Variants in MACROD2 observed in about 807,000 individuals in gnomAD.
MACROD2 encodes ADP-ribose glycohydrolase MACROD2.
MACROD2 carries 36 observed loss-of-function variants against 70.4 expected under a neutral mutation model. That is an observed-to-expected ratio of 0.51 (90% CI 0.39 to 0.68). MACROD2 has a LOEUF of 0.68. Among genes scored for constraint, MACROD2 ranks in the 30% least tolerant of loss-of-function variants. The probability of loss-of-function intolerance (pLI) is 0.00; values close to 1 mark genes in which losing one functional copy is unlikely to be tolerated. For missense variants in MACROD2, 496 were observed against 538.4 expected, an observed-to-expected ratio of 0.92 and a Z score of 0.78; for synonymous variants, 172 against 178.8, an observed-to-expected ratio of 0.96 and a Z score of 0.30.
chr20:14,098,095 C>T (rs1297007292), intron 3 of MACROD2, among the ~76,000 whole-genome samples: 1 of 152,176 alleles, frequency 6.6e-6, no homozygotes, highest in African/African-American at 2.4e-5. Flanking sequence ...CAAAGTACTT[C>T]ACACAGTGCC....
At chr20:14,173,821 TG>T (rs902435317) in intron 3 of MACROD2, among the ~76,000 whole-genome samples, 3 of 152,214 alleles carry the variant, frequency 2.0e-5, no homozygotes, top group African/African-American at 7.2e-5. Context: ...TCCCTTGATG[TG>T]GTGCTTTCCC....
chr20:14,326,769 G>T lies in MACROD2; in HGVS notation c.272-166710G>T, dbSNP rs151151641. 435 of 1,613,806 alleles carry T rather than the reference G, an allele frequency of 2.7e-4. No individual in the cohort carries two copies. The highest frequency in any genetic ancestry group is 1.9e-3 in the South Asian group (169 of 91,078). ...GAAGATAAAGCTTCCTCAGGTTTGTGCCTGGAAGGTTTACTGGTGCAGCAG... is the reference window on the plus strand; with the variant it reads ...GAAGATAAAGCTTCCTCAGGTTTGTTCCTGGAAGGTTTACTGGTGCAGCAG... On this transcript the variant is annotated intron_variant, in intron 3 of 17. Coordinates refer to ENST00000684519, the MANE Select transcript of MACROD2 (RefSeq NM_001351661.2). This position sits in a 1 kb window ranked among gnomAD's most constrained non-coding sequence, Gnocchi z 5.5.
chr20:15,572,689 A>T (rs949440515), intron 8 of MACROD2, among the ~76,000 whole-genome samples: 1 of 152,104 alleles, frequency 6.6e-6, no homozygotes, highest in East Asian at 1.9e-4. Context: ...AGTATTTCGC[A>T]TGAATGCATG....
chr20:14,819,597 G>C (rs547730686), intron 5 of MACROD2, among the ~76,000 whole-genome samples: 2 of 152,160 alleles, frequency 1.3e-5, no homozygotes, highest in Admixed American at 1.3e-4. Flanking sequence ...CATACCGGGG[G>C]ATGAGTGTTG....
At position 15,153,827 on chromosome 20, in the gene MACROD2, T is replaced by C. The variant is rs138528884; in HGVS notation, c.419-76113T>C. On this transcript the variant is annotated intron_variant, in intron 5 of 17. Coordinates refer to ENST00000684519, the MANE Select transcript of MACROD2 (RefSeq NM_001351661.2). ...ACATCTTGTTTCTTTATCTGTGTGC[T>C]GGTTGCAAGAATGTGTTCAGTTTGT... Among the ~76,000 whole-genome samples the C allele has an allele frequency of 3.4e-3, 517 of 152,274 alleles. 1 individual carries two copies. Among genetic ancestry groups the C allele is most frequent in the African/African-American group, 0.011 (475 of 41,560 alleles).
intron 12 of MACROD2, among the ~76,000 whole-genome samples, chr20:15,960,492 G>A (rs73597733): frequency 0.013 from 1,968 of 152,260 alleles, 17 homozygotes; most frequent in African/African-American, 0.037. Flanking sequence ...AGCAAATCGG[G>A]GACAAGATTG....
intron 5 of MACROD2, among the ~76,000 whole-genome samples, chr20:14,832,185 G>A (rs1380119802): frequency 6.6e-6 from 1 of 151,394 alleles, no homozygotes; most frequent in Non-Finnish European, 1.5e-5. Context: ...TGGGACTGCA[G>A]GTGCCCGCCA....
chr20:15,405,090 A>C (rs2045981725), intron 6 of MACROD2, among the ~76,000 whole-genome samples: 1 of 152,196 alleles, frequency 6.6e-6, no homozygotes, highest in African/African-American at 2.4e-5. Flanking sequence ...GCAAATCCAT[A>C]CACACAGAAT....
At chr20:14,042,475 A>G (rs191262291) in intron 2 of MACROD2, among the ~76,000 whole-genome samples, 1 of 152,286 alleles carries the variant, frequency 6.6e-6, no homozygotes, top group East Asian at 1.9e-4. Flanking sequence ...AGTTCTGCAG[A>G]CACCAGCTAG....
intron 5 of MACROD2, among the ~76,000 whole-genome samples, chr20:14,748,363 T>G (rs1359236037): frequency 2.6e-5 from 4 of 152,106 alleles, no homozygotes; most frequent in Non-Finnish European, 5.9e-5. Context: ...GTCTTCCCCT[T>G]CAAGAAACCA....
intron 8 of MACROD2, among the ~76,000 whole-genome samples, chr20:15,759,125 G>A (rs1440126969): frequency 1.9e-4 from 23 of 120,344 alleles, no homozygotes; most frequent in Non-Finnish European, 2.9e-4. Flanking sequence ...CAGCCTGGGT[G>A]ACAGAGCAAG....
At chr20:14,091,356 T>G (rs2054146880) in intron 3 of MACROD2, among the ~76,000 whole-genome samples, 1 of 152,120 alleles carries the variant, frequency 6.6e-6, no homozygotes, top group Non-Finnish European at 1.5e-5. Context: ...AATGGGGAGT[T>G]GTTGATCAAA....
intron 6 of MACROD2, among the ~76,000 whole-genome samples, chr20:15,419,184 G>A (rs1310885573): frequency 2.0e-5 from 3 of 152,128 alleles, no homozygotes; most frequent in African/African-American, 7.2e-5. Flanking sequence ...CCAAGGCCAC[G>A]GGGTTGCTCT....
chr20:14,034,941 T>C (rs544803056), intron 2 of MACROD2, among the ~76,000 whole-genome samples: 1 of 152,338 alleles, frequency 6.6e-6, no homozygotes, highest in South Asian at 2.1e-4. Flanking sequence ...CATTTTTATG[T>C]GCTTAGATTA....
intron 8 of MACROD2, among the ~76,000 whole-genome samples, chr20:15,798,512 C>G (rs553487816): frequency 4.6e-5 from 7 of 152,154 alleles, no homozygotes; most frequent in South Asian, 2.1e-4. Context: ...TGGAAAGTCA[C>G]GAGCATCACT....
chr20:15,145,595 G>T (rs2076224483), intron 5 of MACROD2, among the ~76,000 whole-genome samples: 1 of 151,944 alleles, frequency 6.6e-6, no homozygotes. Context: ...TTTAAATAGG[G>T]CTTCTCTAGT....
intron 3 of MACROD2, among the ~76,000 whole-genome samples, chr20:14,178,640 A>G (rs1244477173): frequency 1.3e-5 from 2 of 151,688 alleles, no homozygotes. Flanking sequence ...AGGAAGGCAT[A>G]CCTTTTTTGT....
At chr20:14,736,921 T>C (rs1156587693) in intron 5 of MACROD2, among the ~76,000 whole-genome samples, 2 of 152,170 alleles carry the variant, frequency 1.3e-5, no homozygotes, top group South Asian at 4.1e-4. Context: ...AAGAAAATTA[T>C]ACAACAGAAT....
chr20:15,882,885 C>A (rs1397826423), intron 9 of MACROD2, among the ~76,000 whole-genome samples: 3 of 151,992 alleles, frequency 2.0e-5, no homozygotes, highest in African/African-American at 7.2e-5. Flanking sequence ...ATATCAGCTT[C>A]AGTGTTATGT....
Sources: gnomAD v4.1 joint callset for allele counts (sites outside exome capture counted in the v4.1 genomes callset) on GRCh38, gnomAD v4.1.1 for gene constraint, Gnocchi (gnomAD v3.1) non-coding constraint, MANE v1.5 for transcripts, NCBI Gene and HGNC (gene_info 2026-07-23, HGNC 2026-07-21) for gene names.